The following ANO2 variants were observed in gnomAD, a reference collection of about 807,000 sequenced individuals.
ANO2 encodes the protein anoctamin-2.
In ANO2, 101 loss-of-function variants were observed where a neutral mutation model predicts 124.2. That is an observed-to-expected ratio of 0.81 (90% CI 0.69 to 0.96). ANO2 has a LOEUF of 0.96. ANO2 is among the 40% of genes least tolerant of loss of function. The pLI, the probability that ANO2 is intolerant of heterozygous loss-of-function variation, is 0.00. For missense variants in ANO2, 1,293 were observed against 1,274.5 expected (o/e 1.01, Z -0.22); for synonymous variants, 486 against 482.5 (o/e 1.01, Z -0.09).
intron 3 of ANO2, among the ~76,000 whole-genome samples, chr12:5,893,635 C>G (rs1377054575): frequency 6.6e-6 from 1 of 151,744 alleles, no homozygotes; most frequent in East Asian, 1.9e-4. Context: ...TGCTATCCCT[C>G]CCCTAGCCCC....
At chr12:5,913,806 T>C (rs997932592) in intron 3 of ANO2, among the ~76,000 whole-genome samples, 6 of 152,150 alleles carry the variant, frequency 3.9e-5, no homozygotes. Context: ...CTCAGAAAAG[T>C]CCGTTTTCTT....
chr12:5,652,924 G>T (rs380709), intron 14 of ANO2, among the ~76,000 whole-genome samples: 123,618 of 152,136 alleles, frequency 0.81, 50,459 homozygotes, highest in Middle Eastern at 0.87. Context: ...ATTTAAGGTG[G>T]GGGAATTACA....
chr12:5,677,975 A>T (rs2215737), intron 14 of ANO2, among the ~76,000 whole-genome samples: 76,269 of 151,832 alleles, frequency 0.5, 21,145 homozygotes, highest in Middle Eastern at 0.62. Flanking sequence ...AGTTTGGACA[A>T]GATAAGCAGG....
intron 10 of ANO2, among the ~76,000 whole-genome samples, chr12:5,761,309 G>T (rs1049221092): frequency 6.6e-6 from 1 of 151,966 alleles, no homozygotes; most frequent in African/African-American, 2.4e-5. Flanking sequence ...GGGGAAAAAG[G>T]CTCTTTATTT....
intron 4 of ANO2, among the ~76,000 whole-genome samples, chr12:5,847,336 C>A (rs923186148): frequency 6.6e-6 from 1 of 152,116 alleles, no homozygotes; most frequent in African/African-American, 2.4e-5. Flanking sequence ...GGTCTTTGGA[C>A]ATAGACTGGA....
At chr12:5,641,842 T>C (rs1169316726) in intron 15 of ANO2, among the ~76,000 whole-genome samples, 1 of 152,224 alleles carries the variant, frequency 6.6e-6, no homozygotes, top group Non-Finnish European at 1.5e-5. Context: ...TTGTGAACAA[T>C]AAAAATATTC....
intron 10 of ANO2, among the ~76,000 whole-genome samples, chr12:5,767,343 C>T (rs1951927156): frequency 2.0e-5 from 3 of 152,164 alleles, no homozygotes; most frequent in Non-Finnish European, 2.9e-5. Context: ...CAGAAGAAGC[C>T]AGGCAAGACA....
intron 16 of ANO2, among the ~76,000 whole-genome samples, chr12:5,617,395 C>A (rs570779976): frequency 6.6e-6 from 1 of 151,116 alleles, no homozygotes; most frequent in South Asian, 2.1e-4. Context: ...CTGTACCACA[C>A]CCTCAAGATC....
intron 3 of ANO2, among the ~76,000 whole-genome samples, chr12:5,907,841 C>G (rs1940799644): frequency 6.6e-6 from 1 of 152,222 alleles, no homozygotes. Flanking sequence ...TCTCCATACC[C>G]TAAGTTCTTC....
chr12:5,943,779 G>A (rs1044262197), intron 1 of ANO2, among the ~76,000 whole-genome samples: 1 of 152,110 alleles, frequency 6.6e-6, no homozygotes, highest in African/African-American at 2.4e-5. Flanking sequence ...TCATACATAG[G>A]GTGGGATGGG....
intron 9 of ANO2, among the ~76,000 whole-genome samples, chr12:5,803,861 G>A (rs796552359): frequency 1.1e-4 from 16 of 152,316 alleles, no homozygotes; most frequent in African/African-American, 3.8e-4. Flanking sequence ...GAGGGAGACT[G>A]ACATTCTCTA....
At chr12:5,732,769 A>T in intron 13 of ANO2, 139 bp from the exon 14 acceptor site, 2 of 1,571,782 alleles carry the variant, frequency 1.3e-6, no homozygotes. Flanking sequence ...ACCACACACA[A>T]TCACAAGGCA....
chr12:5,864,518 A>C (rs1955367043), intron 3 of ANO2, among the ~76,000 whole-genome samples: 1 of 152,222 alleles, frequency 6.6e-6, no homozygotes, highest in Non-Finnish European at 1.5e-5. Context: ...CCATCCTGCA[A>C]GTGGAATCAG....
chr12:5,749,904 T>G (rs1317261550), intron 11 of ANO2, among the ~76,000 whole-genome samples: 2 of 152,060 alleles, frequency 1.3e-5, no homozygotes, highest in Non-Finnish European at 2.9e-5. Flanking sequence ...TATATAACAT[T>G]GTCAGTCTAA....
chr12:5,810,261 C>G (rs1453189775), intron 7 of ANO2, among the ~76,000 whole-genome samples: 1 of 152,118 alleles, frequency 6.6e-6, no homozygotes. Context: ...AGCATCCATC[C>G]ACAACTTTAC....
intron 12 of ANO2, among the ~76,000 whole-genome samples, chr12:5,741,330 G>A (rs762577650): frequency 1.4e-4 from 22 of 152,164 alleles, no homozygotes; most frequent in Non-Finnish European, 2.9e-4. Flanking sequence ...CTACATTATG[G>A]TGCACTGATG....
chr12:5,924,270 C>G (rs542987221), intron 1 of ANO2, among the ~76,000 whole-genome samples: 1 of 152,358 alleles, frequency 6.6e-6, no homozygotes, highest in East Asian at 1.9e-4. Context: ...GGTCCCTGCA[C>G]TTGAGAAACA....
intron 10 of ANO2, among the ~76,000 whole-genome samples, chr12:5,758,237 GT>G (rs930060740): frequency 6.6e-6 from 1 of 152,148 alleles, no homozygotes; most frequent in African/African-American, 2.4e-5. Context: ...CAAATTAGAA[GT>G]CTGTTACTGC....
chr12:5,831,758 T>C (rs1954160285), intron 5 of ANO2, among the ~76,000 whole-genome samples: 2 of 152,324 alleles, frequency 1.3e-5, no homozygotes, highest in Admixed American at 6.5e-5. Context: ...AAGGTCCTTC[T>C]TTCTGTCCTC....
Sources: gnomAD v4.1 joint callset for allele counts (sites outside exome capture counted in the v4.1 genomes callset) on GRCh38, gnomAD v4.1.1 for gene constraint, MANE v1.5 for transcripts, NCBI Gene and HGNC (gene_info 2026-07-23, HGNC 2026-07-21) for gene names.